Variants in TOMM20L observed in about 807,000 individuals in gnomAD.
TOMM20L encodes the protein TOMM20-like protein 1.
Under a neutral mutation model 20.4 loss-of-function variants are expected in TOMM20L, and 19 were observed. That is an observed-to-expected ratio of 0.93 (90% CI 0.65 to 1.36). The LOEUF (loss-of-function observed/expected upper bound fraction) is 1.36, where lower values mean the gene tolerates loss of function less well. TOMM20L is among the 40% of genes most tolerant of loss of function. The probability of loss-of-function intolerance (pLI) is 0.00; values close to 1 mark genes in which losing one functional copy is unlikely to be tolerated. For synonymous variants in TOMM20L, 75 were observed against 79.6 expected, an observed-to-expected ratio of 0.94 and a Z score of 0.30; for missense variants, 218 against 203.7, an observed-to-expected ratio of 1.07 and a Z score of -0.43.
At chr14:58,411,528 T>G (rs955475657), downstream of TOMM20L, among the ~76,000 whole-genome samples, 3 of 151,788 alleles carry the variant, frequency 2.0e-5, no homozygotes, top group Non-Finnish European at 2.9e-5. Flanking sequence ...ACAATTGTTT[T>G]GTGAAACCAC....
Position 58,408,560 on chromosome 14 carries a change from G to T in TOMM20L, c.437G>T (p.Cys146Phe). 6.2e-7 allele frequency: 1 copy of T among 1,614,054 alleles called. No individual in the cohort carries two copies. The highest frequency in any genetic ancestry group is 8.5e-7 in the Non-Finnish European group (1 of 1,179,990). ...GAGGCAGACATGAATGAACAGGACT[G>T]CTTGGAGGATGATCCTGATTGAAAA... ...QFEADMNEQDCLEDDPD is the reference protein window; with the variant it reads ...QFEADMNEQDFLEDDPD The change falls in exon 5 of 5, where the codon TGC becomes TTC. Residue 146 changes from cysteine to phenylalanine, a missense_variant. Physicochemically the swap from Cys to Phe is radical, Grantham distance 205. Coordinates refer to ENST00000360945, the MANE Select transcript of TOMM20L (RefSeq NM_207377.3).
intron 2 of TOMM20L, among the ~76,000 whole-genome samples, chr14:58,400,648 G>A (rs1431105188): frequency 3.3e-5 from 5 of 152,016 alleles, no homozygotes; most frequent in African/African-American, 1.2e-4. Context: ...GGGAGGCCGA[G>A]GTGGGTGGAT....
chr14:58,405,828 T>G (rs2036050423), intron 3 of TOMM20L, among the ~76,000 whole-genome samples: 1 of 152,246 alleles, frequency 6.6e-6, no homozygotes, highest in Non-Finnish European at 1.5e-5. Context: ...TACAGAAGTT[T>G]TATACTTCCA....
In TOMM20L at chr14:58,402,516, G is replaced by A. The variant is rs532391883; in HGVS notation, c.181-164G>A. Among the ~76,000 whole-genome samples the A allele has an allele frequency of 1.1e-4, 16 of 152,100 alleles. No homozygotes were observed. The South Asian group carries it at 3.3e-3, about 32-fold the overall frequency. On this transcript the variant is annotated intron_variant, in intron 2 of 4. Coordinates refer to ENST00000360945, the MANE Select transcript of TOMM20L (RefSeq NM_207377.3). ...TTGGTCAGGCTGGTCTCGAACTCCCGACCTCAGGTGATCTGCCTGCCTCGG... is the reference window on the plus strand; with the variant it reads ...TTGGTCAGGCTGGTCTCGAACTCCCAACCTCAGGTGATCTGCCTGCCTCGG...
chr14:58,402,594 GTCCT>G, intron 2 of TOMM20L, 82 bp from the exon 3 acceptor site: 1 of 1,112,670 alleles, frequency 9.0e-7, no homozygotes, highest in South Asian at 1.3e-5. Flanking sequence ...GGCCCAAGAT[GTCCT>G]TTTTAAATAA....
At chr14:58,408,705 T>C (rs1234966078), downstream of TOMM20L, 6 of 914,362 alleles carry the variant, frequency 6.6e-6, no homozygotes, top group Non-Finnish European at 9.8e-6. Flanking sequence ...ATCTCATACA[T>C]GATCGAACAC....
At chr14:58,396,875 C>A (rs1356849118) in intron 2 of TOMM20L, among the ~76,000 whole-genome samples, 2 of 152,198 alleles carry the variant, frequency 1.3e-5, no homozygotes, top group Non-Finnish European at 2.9e-5. Flanking sequence ...GGGCAGATCA[C>A]GTGAGGTCAG....
At chr14:58,408,262 C>G (rs562963109) in intron 4 of TOMM20L, among the ~76,000 whole-genome samples, 1 of 151,854 alleles carries the variant, frequency 6.6e-6, no homozygotes, top group African/African-American at 2.4e-5. Context: ...ACTAAAAATA[C>G]AAAAGTTAGC....
chr14:58,404,697 A>T (rs1346809795), intron 3 of TOMM20L, among the ~76,000 whole-genome samples: 1 of 152,108 alleles, frequency 6.6e-6, no homozygotes, highest in East Asian at 1.9e-4. Flanking sequence ...TAATCACTGT[A>T]ATTTGTATTT....
chr14:58,397,506 GAGA>G (rs1279175154), intron 2 of TOMM20L, among the ~76,000 whole-genome samples: 1 of 152,188 alleles, frequency 6.6e-6, no homozygotes, highest in African/African-American at 2.4e-5. Context: ...AGTTTTTCCG[GAGA>G]AGACTTTGTA....
At chr14:58,417,040 T>C in the TOMM20L span, among the ~76,000 whole-genome samples, 3 of 152,280 alleles carry the variant, frequency 2.0e-5, no homozygotes, top group African/African-American at 7.2e-5. Flanking sequence ...GTTCTCATGA[T>C]AGTGAATAAG....
At chr14:58,403,960 A>G (rs917842043) in intron 3 of TOMM20L, among the ~76,000 whole-genome samples, 1 of 148,532 alleles carries the variant, frequency 6.7e-6, no homozygotes, top group African/African-American at 2.5e-5. Flanking sequence ...TATAAATATT[A>G]TAATCATAAT....
In TOMM20L at chr14:58,402,746, C is replaced by A. The variant is rs1173122673; in HGVS notation, c.247C>A (p.Leu83Ile). 1.9e-6 allele frequency: 3 copies of A among 1,612,328 alleles called. No individual in the cohort carries two copies. The highest frequency in any genetic ancestry group is 8.5e-7 in the Non-Finnish European group (1 of 1,178,816). Residue 83 changes from leucine (L) to isoleucine (I), a missense_variant, in exon 3 of 5, where the codon CTT becomes ATT. Transcript: ENST00000360945. Reference sequence around the variant, plus strand: ...CTTGCAAGAGGTACGGATGGGAGAACTTTGGTTATCTAGAGGTAAGAATGT... The same window carrying A: ...CTTGCAAGAGGTACGGATGGGAGAAATTTGGTTATCTAGAGGTAAGAATGT... ...LFLQEVRMGE[L>I]WLSRGEHRMG...
intron 2 of TOMM20L, among the ~76,000 whole-genome samples, chr14:58,398,308 G>A (rs1046162368): frequency 2.6e-5 from 4 of 152,208 alleles, no homozygotes; most frequent in Non-Finnish European, 4.4e-5. Context: ...GTCTAGTGCG[G>A]TAGGTGCCCA....
Position 58,404,136 on chromosome 14 carries a change from TTTTTTTTTTTG to T in TOMM20L, c.262+1376_262+1386del, listed in dbSNP as rs1223105788. Among the ~76,000 whole-genome samples the T allele has an allele frequency of 1.8e-3, 19 of 10,856 alleles. 6 individuals carry two copies. Among genetic ancestry groups the T allele is most frequent in the African/African-American group, 3.1e-3 (18 of 5,724 alleles). The allele number at this position is 10,856 out of a possible 152,430, so 7.1% of individuals were successfully genotyped here. A position where few individuals can be genotyped will look rare whatever the true frequency, so the allele number is the denominator to read the frequency against. Reference sequence around the variant, plus strand: ...ATATATATATTTTTTTTTTTTTTTTTTTTTTTTTTTGGAGACGGAGTCTCGCTCTGTCGCCC... The same window carrying T: ...ATATATATATTTTTTTTTTTTTTTTTGAGACGGAGTCTCGCTCTGTCGCCC... On this transcript the variant is annotated intron_variant, in intron 3 of 4. Coordinates refer to ENST00000360945, the MANE Select transcript of TOMM20L (RefSeq NM_207377.3).
chr14:58,398,016 C>G (rs148566312), intron 2 of TOMM20L, among the ~76,000 whole-genome samples: 28 of 152,226 alleles, frequency 1.8e-4, no homozygotes, highest in African/African-American at 6.3e-4. Context: ...GAGTCAAAGA[C>G]ACTTCCGGGG....
chr14:58,396,248 G>C (rs2035916007), intron 1 of TOMM20L, 50 bp from the exon 2 acceptor site: 2 of 1,608,894 alleles, frequency 1.2e-6, no homozygotes, highest in Non-Finnish European at 1.7e-6. Context: ...GGGCCCACGC[G>C]TGCCTCTGGA....
chr14:58,413,492 TCA>T (rs2036287813), downstream of TOMM20L, among the ~76,000 whole-genome samples: 2 of 152,128 alleles, frequency 1.3e-5, no homozygotes. Flanking sequence ...AAAAGGGCAA[TCA>T]CAGAGACTAA....
At chr14:58,416,711 G>A in the TOMM20L span, among the ~76,000 whole-genome samples, 1 of 152,164 alleles carries the variant, frequency 6.6e-6, no homozygotes, top group African/African-American at 2.4e-5. Context: ...GACAATTAAG[G>A]TTTCTATACT....
Sources: allele counts gnomAD v4.1 joint callset (sites outside exome capture counted in the v4.1 genomes callset), GRCh38; gene constraint gnomAD v4.1.1; transcripts MANE v1.5; gene names NCBI Gene and HGNC (gene_info 2026-07-23, HGNC 2026-07-21).